Variants in KCNG3 observed in about 807,000 individuals in gnomAD.
KCNG3 encodes potassium voltage-gated channel modifier subfamily G member 3.
Under a neutral mutation model 29.0 loss-of-function variants are expected in KCNG3, and 15 were observed. The ratio of observed to expected loss-of-function variants is 0.52; its 90% CI spans 0.35 to 0.80. KCNG3 has a LOEUF of 0.80. KCNG3 is among the 30% of genes least tolerant of loss of function. The probability of loss-of-function intolerance (pLI) is 0.01; values close to 1 mark genes in which losing one functional copy is unlikely to be tolerated. For missense variants in KCNG3, 512 were observed against 605.7 expected, an observed-to-expected ratio of 0.85 and a Z score of 1.62; for synonymous variants, 322 against 248.9, an observed-to-expected ratio of 1.29 and a Z score of -2.76.
At chr2:42,439,652 A>AT (rs34205032), downstream of KCNG3, among the ~76,000 whole-genome samples, 91,604 of 148,142 alleles carry the variant, frequency 0.62, 29,989 homozygotes, top group East Asian at 0.79. Flanking sequence ...ATAAAAAAAA[A>AT]TTTTTTTTTT....
At chr2:42,471,972 A>G (rs1207552237) in intron 1 of KCNG3, among the ~76,000 whole-genome samples, 1 of 152,164 alleles carries the variant, frequency 6.6e-6, no homozygotes, top group Admixed American at 6.6e-5. Flanking sequence ...AAAGTCTGAC[A>G]ACATGTAGAA....
the KCNG3 span, among the ~76,000 whole-genome samples, chr2:42,431,883 CA>C: frequency 1.3e-5 from 2 of 151,892 alleles, no homozygotes; most frequent in Non-Finnish European, 2.9e-5. Flanking sequence ...AATAAAAATA[CA>C]AAAAATGAGC....
chr2:42,405,774 A>C, the KCNG3 span, among the ~76,000 whole-genome samples: 5 of 151,994 alleles, frequency 3.3e-5, no homozygotes, highest in African/African-American at 4.8e-5. Context: ...AGCCCGGCTA[A>C]TTTTTTTATT....
chr2:42,419,934 A>G, the KCNG3 span, among the ~76,000 whole-genome samples: 1 of 152,022 alleles, frequency 6.6e-6, no homozygotes, highest in African/African-American at 2.4e-5. Flanking sequence ...ACATAAAATG[A>G]GGACCCAGCT....
chr2:42,484,861 G>A (rs1160414089), intron 1 of KCNG3, among the ~76,000 whole-genome samples: 1 of 152,180 alleles, frequency 6.6e-6, no homozygotes, highest in Non-Finnish European at 1.5e-5. Flanking sequence ...ACAGTCTACT[G>A]TGAAAGAACA....
chr2:42,431,281 T>C, the KCNG3 span, among the ~76,000 whole-genome samples: 1 of 152,040 alleles, frequency 6.6e-6, no homozygotes, highest in African/African-American at 2.4e-5. Flanking sequence ...TATTTTACAG[T>C]TATGGCAAAG....
At chr2:42,484,546 T>TTG (rs955701237) in intron 1 of KCNG3, among the ~76,000 whole-genome samples, 1 of 151,836 alleles carries the variant, frequency 6.6e-6, no homozygotes, top group Non-Finnish European at 1.5e-5. Flanking sequence ...ATGTATGTGT[T>TTG]TGTGTGTGTG....
chr2:42,407,024 TA>T, the KCNG3 span, among the ~76,000 whole-genome samples: 1 of 150,676 alleles, frequency 6.6e-6, no homozygotes, highest in East Asian at 1.9e-4. Flanking sequence ...GGTCCACTGT[TA>T]AAAAAAAACA....
chr2:42,476,744 C>A (rs747635963), intron 1 of KCNG3, among the ~76,000 whole-genome samples: 5 of 151,538 alleles, frequency 3.3e-5, no homozygotes, highest in Admixed American at 6.6e-5. Flanking sequence ...CCAGCCTCAG[C>A]CTCCCAAAGT....
At chr2:42,412,937 T>C in the KCNG3 span, among the ~76,000 whole-genome samples, 6 of 152,140 alleles carry the variant, frequency 3.9e-5, no homozygotes, top group African/African-American at 1.4e-4. Flanking sequence ...TTCTTTTTTA[T>C]TTATTTTTAT....
the KCNG3 span, among the ~76,000 whole-genome samples, chr2:42,419,238 T>TTTTTTTTTTTTTTTTG: frequency 8.3e-6 from 1 of 119,878 alleles, no homozygotes; most frequent in African/African-American, 3.2e-5. Context: ...TTTTTTTTTT[T>TTTTTTTTTTTTTTTTG]TTTTTTTTTT....
the KCNG3 span, among the ~76,000 whole-genome samples, chr2:42,413,335 C>T: frequency 6.6e-5 from 10 of 152,088 alleles, no homozygotes; most frequent in African/African-American, 2.4e-4. Context: ...AGAGTCTCTG[C>T]TTTTAATAGA....
At chr2:42,389,029 T>C in the KCNG3 span, among the ~76,000 whole-genome samples, 1 of 152,184 alleles carries the variant, frequency 6.6e-6, no homozygotes, top group African/African-American at 2.4e-5. Context: ...GCGATTCTCC[T>C]GTCTCAGCCT....
chr2:42,436,360 A>G, the KCNG3 span, among the ~76,000 whole-genome samples: 2 of 152,260 alleles, frequency 1.3e-5, no homozygotes, highest in African/African-American at 4.8e-5. Context: ...ACATTTTAAG[A>G]TAACAAATTG....
the KCNG3 span, among the ~76,000 whole-genome samples, chr2:42,429,458 T>A: frequency 2.0e-5 from 3 of 152,228 alleles, no homozygotes; most frequent in Non-Finnish European, 4.4e-5. Flanking sequence ...AATTTGAGCT[T>A]AGAGTAAAAT....
intron 1 of KCNG3, among the ~76,000 whole-genome samples, chr2:42,458,133 G>A (rs1672924260): frequency 1.3e-5 from 2 of 151,972 alleles, no homozygotes; most frequent in Admixed American, 6.6e-5. Flanking sequence ...ACATTTGGAC[G>A]GCCATTTCAT....
At chr2:42,435,617 A>G in the KCNG3 span, among the ~76,000 whole-genome samples, 1 of 152,186 alleles carries the variant, frequency 6.6e-6, no homozygotes, top group African/African-American at 2.4e-5. Context: ...TTAAGTAGAC[A>G]TTTCTCCAAA....
At chr2:42,426,172 A>T in the KCNG3 span, among the ~76,000 whole-genome samples, 1 of 152,208 alleles carries the variant, frequency 6.6e-6, no homozygotes, top group Non-Finnish European at 1.5e-5. Flanking sequence ...ACTATTAAAG[A>T]TCTGACAAAT....
chr2:42,457,010 C>T (rs1230628631), intron 1 of KCNG3, among the ~76,000 whole-genome samples: 1 of 151,922 alleles, frequency 6.6e-6, no homozygotes, highest in Non-Finnish European at 1.5e-5. Context: ...AAATATATAC[C>T]ATTCATACCT....
Sources: allele counts gnomAD v4.1 joint callset (sites outside exome capture counted in the v4.1 genomes callset), GRCh38; gene constraint gnomAD v4.1.1; transcripts MANE v1.5; gene names NCBI Gene and HGNC (gene_info 2026-07-23, HGNC 2026-07-21).